The following ZNF385D variants were observed in gnomAD, a reference collection of about 807,000 sequenced individuals.
ZNF385D encodes zinc finger protein 659.
A neutral mutation model predicts 35.8 loss-of-function variants in ZNF385D; 15 were observed. That is an observed-to-expected ratio of 0.42 (90% confidence interval 0.28 to 0.64). ZNF385D has a LOEUF of 0.64. Among genes scored for constraint, ZNF385D ranks in the 30% least tolerant of loss-of-function variants. The pLI, the probability that ZNF385D is intolerant of heterozygous loss-of-function variation, is 0.23. For missense variants in ZNF385D, 474 were observed against 494.6 expected (o/e 0.96, Z 0.39); for synonymous variants, 212 against 186.8 (o/e 1.13, Z -1.10).
chr3:22,247,615 T>TTTTATTTATTTATTTATTTA (rs71266432), intron 2 of ZNF385D, among the ~76,000 whole-genome samples: 2,646 of 148,284 alleles, frequency 0.018, 86 homozygotes, highest in African/African-American at 0.062. Context: ...CATTTTACAA[T>TTTTATTTATTTATTTATTTA]TTTATTTATT....
At position 21,764,740 on chromosome 3, in the gene ZNF385D, G is replaced by C. The variant is rs527423695; in HGVS notation, c.326-99712C>G. On this transcript the variant is annotated intron_variant, in intron 3 of 5. Coordinates refer to the ZNF385D transcript ENST00000494108. Reference sequence around the variant, plus strand: ...AGCCCTCAAATGATGGAGTCAGCATGCTGTGTGCACTGAATTCTATGTCAC... The same window carrying C: ...AGCCCTCAAATGATGGAGTCAGCATCCTGTGTGCACTGAATTCTATGTCAC... Among the ~76,000 whole-genome samples the C allele has an allele frequency of 2.6e-5, 4 of 152,274 alleles. No homozygotes were observed. The East Asian group carries it at 5.8e-4, about 22-fold the overall frequency.
At chr3:21,504,503 A>G (rs1235163687) in intron 4 of ZNF385D, among the ~76,000 whole-genome samples, 1 of 152,142 alleles carries the variant, frequency 6.6e-6, no homozygotes, top group Non-Finnish European at 1.5e-5. Context: ...ACTATCTTTT[A>G]TATAAAAAGT....
chr3:22,371,730 C>T, intron 2 of ZNF385D, among the ~76,000 whole-genome samples: 1 of 152,134 alleles, frequency 6.6e-6, no homozygotes, highest in Non-Finnish European at 1.5e-5. Flanking sequence ...CCTCCAGGTA[C>T]TCAATGGAAG....
At chr3:22,129,190 G>GTCTC (rs377686489) in intron 3 of ZNF385D, among the ~76,000 whole-genome samples, 5 of 151,196 alleles carry the variant, frequency 3.3e-5, no homozygotes, top group Admixed American at 6.6e-5. Flanking sequence ...AACAAACAGA[G>GTCTC]TCTCTCTCTC....
At chr3:21,954,560 G>T (rs1036349663) in intron 3 of ZNF385D, among the ~76,000 whole-genome samples, 5 of 152,026 alleles carry the variant, frequency 3.3e-5, no homozygotes, top group Admixed American at 1.3e-4. Flanking sequence ...AAAGAAATAT[G>T]TGAGTTCTGT....
chr3:21,852,432 T>A (rs1197164368), intron 3 of ZNF385D, among the ~76,000 whole-genome samples: 2 of 151,950 alleles, frequency 1.3e-5, no homozygotes, highest in African/African-American at 4.8e-5. Context: ...ACAGCATTCA[T>A]TTAAAAACTG....
intron 3 of ZNF385D, among the ~76,000 whole-genome samples, chr3:21,809,296 G>A (rs921073191): frequency 6.6e-6 from 1 of 152,098 alleles, no homozygotes; most frequent in Admixed American, 6.5e-5. Flanking sequence ...AATGGAAAAA[G>A]CAACAAAAGT....
chr3:22,064,816 A>T (rs887143999), intron 3 of ZNF385D, among the ~76,000 whole-genome samples: 1 of 152,216 alleles, frequency 6.6e-6, no homozygotes, highest in Non-Finnish European at 1.5e-5. Flanking sequence ...TGATGATCAA[A>T]GGGTATAAAG....
chr3:22,317,187 G>A lies in ZNF385D; in HGVS notation c.106+55263C>T, dbSNP rs144774659. 2.8e-3 allele frequency among the ~76,000 whole-genome samples: 366 copies of A among 128,790 alleles called. 1 individual carries two copies. Among genetic ancestry groups the A allele is most frequent in the African/African-American group, 0.01 (353 of 34,028 alleles). The allele number at this position is 128,790 out of a possible 152,430, so 84.5% of individuals were successfully genotyped here. A position where few individuals can be genotyped will look rare whatever the true frequency, so the allele number is the denominator to read the frequency against. On this transcript the variant is annotated intron_variant, in intron 2 of 5. Coordinates refer to the ZNF385D transcript ENST00000494108. Reference sequence around the variant, plus strand: ...AGCTACTCAGGAGGCTGGGGCAGAAGAATCACTTGAACCTGGGAGGCAGAG... The same window carrying A: ...AGCTACTCAGGAGGCTGGGGCAGAAAAATCACTTGAACCTGGGAGGCAGAG...
chr3:22,166,800 T>C (rs920013007), intron 3 of ZNF385D, among the ~76,000 whole-genome samples: 4 of 152,244 alleles, frequency 2.6e-5, no homozygotes, highest in Non-Finnish European at 5.9e-5. Flanking sequence ...TTTTGTTCTA[T>C]AATGTTGTTT....
intron 3 of ZNF385D, among the ~76,000 whole-genome samples, chr3:21,537,294 G>T (rs1189088873): frequency 2.0e-5 from 3 of 151,392 alleles, no homozygotes; most frequent in Non-Finnish European, 4.4e-5. Flanking sequence ...CACCACACCT[G>T]GCTATTTTTT....
intron 2 of ZNF385D, among the ~76,000 whole-genome samples, chr3:22,194,423 T>C (rs1422286925): frequency 6.6e-6 from 1 of 151,894 alleles, no homozygotes; most frequent in Non-Finnish European, 1.5e-5. Context: ...AAATTTTCAT[T>C]TTCCCTCAAA....
Position 21,705,729 on chromosome 3 carries a change from C to A in ZNF385D, c.23-40701G>T, listed in dbSNP as rs145138130. On this transcript the variant is annotated intron_variant, in intron 1 of 7. Coordinates refer to ENST00000281523, the MANE Select transcript of ZNF385D (RefSeq NM_024697.3). The stretch of plus-strand genomic sequence containing the variant: ...CTTCTCTGTGTTCCATTGCTTCTTT[C>A]CACCACCCCCAAAATCCACTTGCTC... Among the ~76,000 whole-genome samples the A allele has an allele frequency of 4.3e-3, 658 of 152,318 alleles. 4 individuals are homozygous for A. Among genetic ancestry groups the A allele is most frequent in the African/African-American group, 0.015 (632 of 41,568 alleles).
chr3:21,880,568 G>A (rs1698223838), intron 3 of ZNF385D, among the ~76,000 whole-genome samples: 1 of 151,684 alleles, frequency 6.6e-6, no homozygotes, highest in East Asian at 1.9e-4. Flanking sequence ...CCTGTCCTTC[G>A]GCCTCCCTAT....
intron 2 of ZNF385D, among the ~76,000 whole-genome samples, chr3:22,326,977 G>T (rs751539241): frequency 1.3e-5 from 2 of 152,136 alleles, no homozygotes; most frequent in African/African-American, 4.8e-5. Context: ...AAGTTCCAAG[G>T]TCTATTGCTT....
At chr3:22,084,295 T>C (rs1321634319) in intron 3 of ZNF385D, among the ~76,000 whole-genome samples, 1 of 151,596 alleles carries the variant, frequency 6.6e-6, no homozygotes, top group Non-Finnish European at 1.5e-5. Flanking sequence ...GCAAATTGGA[T>C]AGAGTCAAGA....
intron 1 of ZNF385D, among the ~76,000 whole-genome samples, chr3:21,679,021 C>T (rs928442750): frequency 5.3e-5 from 8 of 151,116 alleles, no homozygotes; most frequent in Admixed American, 5.3e-4. Context: ...CCAACCCCAT[C>T]CACTTAGCAT....
intron 3 of ZNF385D, among the ~76,000 whole-genome samples, chr3:21,768,519 G>T (rs1376617634): frequency 6.6e-6 from 1 of 151,886 alleles, no homozygotes; most frequent in Non-Finnish European, 1.5e-5. Flanking sequence ...AAAGTGGAGG[G>T]AATTTTTATC....
chr3:22,197,184 T>A (rs1696476895), intron 2 of ZNF385D, among the ~76,000 whole-genome samples: 1 of 152,048 alleles, frequency 6.6e-6, no homozygotes, highest in South Asian at 2.1e-4. Flanking sequence ...GTTGAATTTA[T>A]TCTGCTTGGT....
Sources: gnomAD v4.1 joint callset for allele counts (sites outside exome capture counted in the v4.1 genomes callset) on GRCh38, gnomAD v4.1.1 for gene constraint, MANE v1.5 for transcripts, NCBI Gene and HGNC (gene_info 2026-07-23, HGNC 2026-07-21) for gene names.